Variants in PRDM1 observed in about 807,000 individuals in gnomAD.
PRDM1 encodes the protein PR domain zinc finger protein 1.
In PRDM1, 13 loss-of-function variants were observed where a neutral mutation model predicts 62.8. The ratio of observed to expected loss-of-function variants is 0.21; its 90% CI spans 0.13 to 0.33. The LOEUF is 0.33. Ranked by LOEUF, PRDM1 falls within the 10% of genes least tolerant of loss-of-function variation. The pLI, the probability that PRDM1 is intolerant of heterozygous loss-of-function variation, is 1.00. For synonymous variants in PRDM1, 396 were observed against 417.6 expected, an observed-to-expected ratio of 0.95 and a Z score of 0.63; for missense variants, 895 against 1,058.8, an observed-to-expected ratio of 0.85 and a Z score of 2.15.
upstream of PRDM1, among the ~76,000 whole-genome samples, chr6:106,044,979 T>G (rs1285413023): frequency 6.6e-6 from 1 of 152,224 alleles, no homozygotes; most frequent in African/African-American, 2.4e-5. Context: ...GACTGCCACT[T>G]GAGCCCAGGA....
In PRDM1 at chr6:106,106,258, CTG is replaced by C. The variant is rs1774485044; in HGVS notation, c.1774-111_1774-110del. Reference sequence around the variant, plus strand: ...ACATGAAGATTTCTTCTTTTTAAGACTGTCTTGATGCTTTTCTTAAGATATTT... The same window carrying C: ...ACATGAAGATTTCTTCTTTTTAAGACTCTTGATGCTTTTCTTAAGATATTT... On this transcript the variant is annotated intron_variant, in intron 5 of 6. Transcript: ENST00000369096. This position sits in a 1 kb window ranked among gnomAD's most constrained non-coding sequence, Gnocchi z 4.4. The C allele has an allele frequency of 7.0e-7, 1 of 1,430,146 alleles. No individual in the cohort carries two copies. Among genetic ancestry groups the C allele is most frequent in the African/African-American group, 1.4e-5 (1 of 69,838 alleles). The allele number at this position is 1,430,146 out of a possible 1,614,324, so 88.6% of individuals were successfully genotyped here.
intron 1 of PRDM1, among the ~76,000 whole-genome samples, chr6:106,038,107 C>T (rs1251022769): frequency 4.3e-5 from 6 of 138,182 alleles, no homozygotes; most frequent in Non-Finnish European, 6.1e-5. Context: ...ACCTCTGCCT[C>T]CCGGGTAGCT....
upstream of PRDM1, among the ~76,000 whole-genome samples, chr6:106,048,244 A>G (rs1265734580): frequency 6.8e-6 from 1 of 146,224 alleles, no homozygotes; most frequent in Non-Finnish European, 1.5e-5. Flanking sequence ...AAAATTAGCC[A>G]GACATGGTGG....
rs1774449506 is a variant in PRDM1 at position 106,105,531 on chromosome 6, C to T, written c.1371C>T (p.Pro457=). ...YSNLLGGGSL[P]HPMLNPTSLP... ...ATCTCCTCGGTGGGGGCAGCCTGCC[C>T]CACCCCATGCTCAACCCCACTTCTC... The change falls in exon 5 of 7, where the codon CCC becomes CCT. Residue 457 remains proline (P), a synonymous_variant. Transcript: ENST00000369096. 1 of 1,613,272 alleles carries T rather than the reference C, an allele frequency of 6.2e-7. No individual in the cohort carries two copies. The highest frequency in any genetic ancestry group is 1.1e-5 in the South Asian group (1 of 91,054).
intron 1 of PRDM1, among the ~76,000 whole-genome samples, chr6:106,032,883 A>T (rs1220347999): frequency 6.6e-6 from 1 of 152,238 alleles, no homozygotes; most frequent in Non-Finnish European, 1.5e-5. Context: ...CCACTCATTA[A>T]GTTACTTTTA....
chr6:106,069,631 C>G (rs900435121), intron 1 of PRDM1, among the ~76,000 whole-genome samples: 3 of 152,160 alleles, frequency 2.0e-5, no homozygotes, highest in East Asian at 3.8e-4. Context: ...GAAAGAGGGA[C>G]GAGCTTCTCA....
intron 2 of PRDM1, among the ~76,000 whole-genome samples, chr6:106,094,456 T>G (rs1774039786): frequency 6.6e-6 from 1 of 152,186 alleles, no homozygotes; most frequent in Non-Finnish European, 1.5e-5. Flanking sequence ...TTTTACCCCT[T>G]CAAAGAGAAA....
intron 1 of PRDM1, among the ~76,000 whole-genome samples, chr6:106,049,792 A>G (rs1199963342): frequency 6.6e-6 from 1 of 152,228 alleles, no homozygotes; most frequent in Non-Finnish European, 1.5e-5. Flanking sequence ...CCCACTGAGC[A>G]AATGAATATA....
chr6:106,034,261 T>C (rs1244471800), intron 1 of PRDM1, among the ~76,000 whole-genome samples: 1 of 152,126 alleles, frequency 6.6e-6, no homozygotes, highest in African/African-American at 2.4e-5. Flanking sequence ...TGTTTATCTT[T>C]GCTCTAATCG....
upstream of PRDM1, among the ~76,000 whole-genome samples, chr6:106,045,219 T>C (rs113997297): frequency 9.3e-4 from 141 of 152,288 alleles, no homozygotes; most frequent in African/African-American, 3.3e-3. Flanking sequence ...TGAGTGGGAA[T>C]AACAGTGTTA....
At chr6:106,016,167 T>C (rs1412077774) in intron 1 of PRDM1, among the ~76,000 whole-genome samples, 1 of 152,252 alleles carries the variant, frequency 6.6e-6, no homozygotes, top group East Asian at 1.9e-4. Flanking sequence ...CATTCCTTTA[T>C]GTGGTTGAAT....
intron 1 of PRDM1, among the ~76,000 whole-genome samples, chr6:106,065,865 C>T (rs957445470): frequency 1.4e-4 from 21 of 152,312 alleles, no homozygotes; most frequent in African/African-American, 5.1e-4. Context: ...ATTTGTCCTG[C>T]TGTACTTGTC....
At chr6:106,048,194 C>T (rs1030967885), upstream of PRDM1, among the ~76,000 whole-genome samples, 7 of 136,186 alleles carry the variant, frequency 5.1e-5, no homozygotes, top group East Asian at 4.4e-4. Context: ...GCCCGGACAA[C>T]GTAGGGAGAC....
At chr6:106,010,912 A>T (rs1258998468) in intron 1 of PRDM1, among the ~76,000 whole-genome samples, 1 of 152,108 alleles carries the variant, frequency 6.6e-6, no homozygotes, top group Non-Finnish European at 1.5e-5. Context: ...CTTGCTCAGG[A>T]CTACAGGTTT....
At chr6:106,067,635 G>A (rs927918249) in intron 1 of PRDM1, among the ~76,000 whole-genome samples, 1 of 152,162 alleles carries the variant, frequency 6.6e-6, no homozygotes, top group Non-Finnish European at 1.5e-5. Context: ...TTCAAATACT[G>A]TATGATTCCA....
chr6:106,017,928 T>G (rs546141461), intron 1 of PRDM1, among the ~76,000 whole-genome samples: 5 of 152,222 alleles, frequency 3.3e-5, no homozygotes, highest in African/African-American at 9.6e-5. Flanking sequence ...CTCTGGCTTT[T>G]GGAGAAATGA....
chr6:106,002,053 G>C (rs1046117656), intron 1 of PRDM1, among the ~76,000 whole-genome samples: 1 of 151,928 alleles, frequency 6.6e-6, no homozygotes, highest in African/African-American at 2.4e-5. Flanking sequence ...AACAAAGTTG[G>C]AGAAGTTTAG....
chr6:106,004,952 T>C lies in PRDM1; in HGVS notation c.-67+11313T>C, dbSNP rs1269062882. Among the ~76,000 whole-genome samples, 3 of 152,326 alleles carry C rather than the reference T, an allele frequency of 2.0e-5. No individual in the cohort carries two copies. In the East Asian group the frequency reaches 5.8e-4, roughly 29 times the overall value. On this transcript the variant is annotated intron_variant, in intron 1 of 6. Coordinates refer to the PRDM1 transcript ENST00000652320. ...AAAATAAATATTTTTATGGAAACAA[T>C]GAACTCTTTGCTAGATTTCCTCTTC... is the stretch of plus-strand genomic sequence containing the variant.
At chr6:106,074,795 C>T (rs969252467) in intron 1 of PRDM1, among the ~76,000 whole-genome samples, 1 of 152,040 alleles carries the variant, frequency 6.6e-6, no homozygotes, top group African/African-American at 2.4e-5. Context: ...GTCAACGTGG[C>T]GAAACCCCAT....
Sources: gnomAD v4.1 joint callset for allele counts (sites outside exome capture counted in the v4.1 genomes callset) on GRCh38, gnomAD v4.1.1 for gene constraint, Gnocchi (gnomAD v3.1) non-coding constraint, MANE v1.5 for transcripts, NCBI Gene and HGNC (gene_info 2026-07-23, HGNC 2026-07-21) for gene names.